IL1RAPL1: variants seen among roughly 807,000 people sequenced by gnomAD.
The protein encoded by IL1RAPL1 is interleukin 1 receptor accessory protein like 1.
IL1RAPL1 carries 3 observed loss-of-function variants against 48.4 expected under a neutral mutation model. That is an observed-to-expected ratio of 0.06 (90% CI 0.03 to 0.16). The LOEUF (loss-of-function observed/expected upper bound fraction) is 0.16. Among genes scored for constraint, IL1RAPL1 ranks in the 10% least tolerant of loss-of-function variants. IL1RAPL1 has a pLI of 1.00. For missense variants in IL1RAPL1, 349 were observed against 530.6 expected, an observed-to-expected ratio of 0.66 and a Z score of 3.36; for synonymous variants, 185 against 187.7, an observed-to-expected ratio of 0.99 and a Z score of 0.12.
At chrX:28,768,291 C>A (rs770080048) in intron 1 of IL1RAPL1, among the ~76,000 whole-genome samples, 2 of 110,802 alleles carry the variant, frequency 1.8e-5, no homozygotes, top group East Asian at 5.7e-4. Flanking sequence ...ATATGTTGAT[C>A]TATAAACACA....
intron 2 of IL1RAPL1, among the ~76,000 whole-genome samples, chrX:28,923,002 T>A (rs1923650538): frequency 8.9e-6 from 1 of 112,008 alleles, no homozygotes; most frequent in Non-Finnish European, 1.9e-5. Context: ...TTTTACTTTC[T>A]GTGGAAACAT....
chrX:28,641,710 C>G (rs1421702862), intron 1 of IL1RAPL1, among the ~76,000 whole-genome samples: 1 of 111,733 alleles, frequency 8.9e-6, no homozygotes, highest in Non-Finnish European at 1.9e-5. Context: ...TCCTATTTCT[C>G]CATATCCTTT....
chrX:28,847,938 C>G (rs1921554840), intron 2 of IL1RAPL1, among the ~76,000 whole-genome samples: 1 of 111,955 alleles, frequency 8.9e-6, no homozygotes, highest in African/African-American at 3.3e-5. Context: ...ATCCTGCATG[C>G]CTACAAAAGG....
At chrX:28,771,460 C>T (rs1446093651) in intron 1 of IL1RAPL1, among the ~76,000 whole-genome samples, 12 of 111,181 alleles carry the variant, frequency 1.1e-4, no homozygotes, top group African/African-American at 3.6e-4. Flanking sequence ...TGTCAGTCAC[C>T]GTGAATTAAA....
At chrX:28,789,491 A>T in intron 2 of IL1RAPL1, 66 bp downstream of exon 2, 1 of 787,324 alleles carries the variant, frequency 1.3e-6, no homozygotes, top group Admixed American at 2.2e-5. Context: ...ACATCTACAC[A>T]TGTGCCATTA....
intron 2 of IL1RAPL1, among the ~76,000 whole-genome samples, chrX:29,056,276 T>C (rs1050815215): frequency 2.7e-5 from 3 of 111,368 alleles, no homozygotes; most frequent in Non-Finnish European, 5.7e-5. Flanking sequence ...ATTAATATTA[T>C]TGAAAATGGG....
In IL1RAPL1 at chrX:29,682,253, C is replaced by A. The variant is rs186174712; in HGVS notation, c.778+13749C>A. Among the ~76,000 whole-genome samples, 64 of 111,050 alleles carry A rather than the reference C, an allele frequency of 5.8e-4. 2 individuals are homozygous for A. The highest frequency in any genetic ancestry group is 5.7e-3 in the Admixed American group (59 of 10,429). The stretch of plus-strand genomic sequence containing the variant: ...CTGCCTGTTATCTAGAAGATAAAGG[C>A]CACTTTCTTCACAGTCTGACCCCAT... On this transcript the variant is annotated intron_variant, in intron 6 of 10. Coordinates refer to ENST00000378993, the MANE Select transcript of IL1RAPL1 (RefSeq NM_014271.4).
At chrX:29,891,947 C>T (rs904977101) in intron 6 of IL1RAPL1, among the ~76,000 whole-genome samples, 1 of 111,837 alleles carries the variant, frequency 8.9e-6, no homozygotes, top group African/African-American at 3.2e-5. Flanking sequence ...GATTTAAAAC[C>T]TAACACTGGG....
chrX:29,556,603 G>A (rs1184121277), intron 5 of IL1RAPL1, among the ~76,000 whole-genome samples: 9 of 106,384 alleles, frequency 8.5e-5, no homozygotes, highest in South Asian at 4.3e-4. Flanking sequence ...AGCTGAGATC[G>A]TGCCACTGCA....
At position 29,416,403 on chromosome X, in the gene IL1RAPL1, G is replaced by T. The variant is rs183880192; in HGVS notation, c.703+17095G>T. The stretch of plus-strand genomic sequence containing the variant: ...ATACAAAAATTAGCTGGGTGTGGTG[G>T]CACACACCTGTAGTCCCAGCTACTC... On this transcript the variant is annotated intron_variant, in intron 5 of 10. Transcript: ENST00000378993. 2.7e-3 allele frequency among the ~76,000 whole-genome samples: 303 copies of T among 110,932 alleles called. 1 individual carries two copies. The highest frequency in any genetic ancestry group is 9.5e-3 in the African/African-American group (290 of 30,494).
chrX:28,604,375 G>C (rs1352350468), intron 1 of IL1RAPL1, among the ~76,000 whole-genome samples: 2 of 111,479 alleles, frequency 1.8e-5, no homozygotes, highest in Admixed American at 1.9e-4. Flanking sequence ...CAGAGTTTCA[G>C]TTTCCAGATC....
At chrX:29,688,816 C>T (rs866684040) in intron 6 of IL1RAPL1, among the ~76,000 whole-genome samples, 162 of 95,136 alleles carry the variant, frequency 1.7e-3, no homozygotes, top group Non-Finnish European at 3.0e-3. Flanking sequence ...GCTTTGTGGT[C>T]TTTTTTTTTT....
At chrX:29,583,643 C>A (rs1923055906) in intron 5 of IL1RAPL1, among the ~76,000 whole-genome samples, 1 of 73,746 alleles carries the variant, frequency 1.4e-5, no homozygotes, top group South Asian at 9.1e-4. Context: ...GCCATACTGC[C>A]CAAGGTAATT....
chrX:29,543,818 G>A (rs1242200757), intron 5 of IL1RAPL1, among the ~76,000 whole-genome samples: 1 of 110,856 alleles, frequency 9.0e-6, no homozygotes, highest in East Asian at 2.8e-4. Flanking sequence ...TGAGGTGTCA[G>A]CAATGGGACG....
chrX:29,019,371 T>C (rs770487283), intron 2 of IL1RAPL1, among the ~76,000 whole-genome samples: 34 of 111,910 alleles, frequency 3.0e-4, no homozygotes, highest in Non-Finnish European at 5.8e-4. Flanking sequence ...TCAAAATTAA[T>C]AAATGGTTCA....
In IL1RAPL1 at chrX:29,596,039, T is replaced by A. The variant is rs935259957; in HGVS notation, c.704-72391T>A. On this transcript the variant is annotated intron_variant, in intron 5 of 10. Coordinates refer to ENST00000378993, the MANE Select transcript of IL1RAPL1 (RefSeq NM_014271.4). ...GTTTTTGTTTGTTTTGTCAAAAATC[T>A]AAGTATTTGGGTGTGTTTCTGGGTT... 9.0e-5 allele frequency among the ~76,000 whole-genome samples: 10 copies of A among 111,484 alleles called. No homozygotes were observed. The Admixed American group carries it at 9.5e-4, about 11-fold the overall frequency.
At chrX:29,434,885 TCA>T (rs2147714837) in intron 5 of IL1RAPL1, among the ~76,000 whole-genome samples, 1 of 111,295 alleles carries the variant, frequency 9.0e-6, no homozygotes, top group Admixed American at 9.6e-5. Flanking sequence ...TTTAGTATAT[TCA>T]CAGTGTTGTG....
At chrX:28,899,161 A>G (rs1222530694) in intron 2 of IL1RAPL1, among the ~76,000 whole-genome samples, 1 of 111,171 alleles carries the variant, frequency 9.0e-6, no homozygotes, top group East Asian at 2.8e-4. Flanking sequence ...AAACACTTAC[A>G]AGACCATTAG....
intron 5 of IL1RAPL1, among the ~76,000 whole-genome samples, chrX:29,618,133 A>G (rs1924346592): frequency 8.9e-6 from 1 of 111,737 alleles, no homozygotes; most frequent in African/African-American, 3.3e-5. Context: ...AATGTTATCT[A>G]AAATATAATA....
Sources: allele counts gnomAD v4.1 joint callset (sites outside exome capture counted in the v4.1 genomes callset), GRCh38; gene constraint gnomAD v4.1.1; transcripts MANE v1.5; gene names NCBI Gene and HGNC (gene_info 2026-07-23, HGNC 2026-07-21).